Variants in GNAO1 observed in about 807,000 individuals in gnomAD.
GNAO1 encodes guanine nucleotide-binding protein G(o) subunit alpha.
For synonymous variants in GNAO1, 164 were observed against 180.7 expected (o/e 0.91, Z 0.74); for missense variants, 166 against 478.7 (o/e 0.35, Z 6.10).
intron 2 of GNAO1, among the ~76,000 whole-genome samples, chr16:56,250,012 AGAGAGAGAACAATGGTG>A (rs528701349): frequency 4.6e-5 from 7 of 152,340 alleles, no homozygotes; most frequent in Non-Finnish European, 1.0e-4. Flanking sequence ...CCAACAGGGA[AGAGAGAGAACAATGGTG>A]GATGGCTTGG....
chr16:56,299,161 AG>A (rs2037316993), intron 3 of GNAO1, among the ~76,000 whole-genome samples: 1 of 152,226 alleles, frequency 6.6e-6, no homozygotes, highest in African/African-American at 2.4e-5. Flanking sequence ...AACAAGACCC[AG>A]GCTTGCCTAA....
At chr16:56,336,955 A>C in intron 6 of GNAO1, 95 bp downstream of exon 6, 3 of 1,220,566 alleles carry the variant, frequency 2.5e-6, no homozygotes, top group South Asian at 1.4e-5. Context: ...GGTGCCCACA[A>C]TGGCTCTGGG....
rs756144448 is a variant in GNAO1, at chr16:56,340,973, T to A, written c.723+4113T>A. 4.3e-6 allele frequency: 7 copies of A among 1,613,724 alleles called. No homozygotes were observed. The South Asian group carries it at 6.6e-5, about 15-fold the overall frequency. Reference sequence around the variant, plus strand: ...AAGAAGTCCCCGCTCACCATCTGCTTTCCTGAATATACAGGTAGAGACCCC... The same window carrying A: ...AAGAAGTCCCCGCTCACCATCTGCTATCCTGAATATACAGGTAGAGACCCC... On this transcript the variant is annotated intron_variant, in intron 6 of 8. Transcript: ENST00000262493.
chr16:56,207,609 A>G (rs1413212735), intron 2 of GNAO1, among the ~76,000 whole-genome samples: 1 of 152,182 alleles, frequency 6.6e-6, no homozygotes, highest in Non-Finnish European at 1.5e-5. Flanking sequence ...ACAATTGTTG[A>G]TTATTCAGCA....
intron 3 of GNAO1, among the ~76,000 whole-genome samples, chr16:56,316,699 G>C (rs2037513693): frequency 6.6e-6 from 1 of 152,186 alleles, no homozygotes; most frequent in African/African-American, 2.4e-5. Context: ...CCACTCCCCA[G>C]CTGGTGCTGA....
intron 3 of GNAO1, among the ~76,000 whole-genome samples, chr16:56,317,514 C>T (rs2037524041): frequency 2.6e-5 from 4 of 151,886 alleles, no homozygotes; most frequent in Admixed American, 1.3e-4. Flanking sequence ...GGGTGGGAGG[C>T]GAGTTGGATC....
intron 3 of GNAO1, among the ~76,000 whole-genome samples, chr16:56,306,446 G>C (rs1479178066): frequency 6.6e-6 from 1 of 152,170 alleles, no homozygotes; most frequent in African/African-American, 2.4e-5. Context: ...CTTTGCTGGA[G>C]AGAGGCCCAG....
intron 2 of GNAO1, among the ~76,000 whole-genome samples, chr16:56,246,037 C>T (rs536547221): frequency 1.3e-5 from 2 of 152,282 alleles, no homozygotes; most frequent in South Asian, 4.1e-4. Context: ...TGCAGGGCCC[C>T]TGGGTGAATC....
chr16:56,195,072 T>A (rs2036219441), intron 2 of GNAO1, among the ~76,000 whole-genome samples: 2 of 106,186 alleles, frequency 1.9e-5, no homozygotes, highest in African/African-American at 9.0e-5. Context: ...CCTTTACTTC[T>A]CCTTTTTTTT....
intron 3 of GNAO1, among the ~76,000 whole-genome samples, chr16:56,312,484 G>T (rs558954463): frequency 6.6e-6 from 1 of 152,182 alleles, no homozygotes; most frequent in Admixed American, 6.5e-5. Context: ...ACACTGAGGC[G>T]GCCACAGCCT....
chr16:56,233,837 G>A (rs1465816093), intron 2 of GNAO1, among the ~76,000 whole-genome samples: 4 of 152,192 alleles, frequency 2.6e-5, no homozygotes, highest in African/African-American at 9.7e-5. Context: ...ATGCCCCCTT[G>A]TCTGTGGGTT....
chr16:56,351,283 C>T lies in GNAO1; in HGVS notation c.724-101C>T. On this transcript the variant is annotated intron_variant, in intron 6 of 8. Coordinates refer to ENST00000262493, the MANE Select transcript of GNAO1 (RefSeq NM_020988.3). The surrounding 1 kb of genome is among the most constrained non-coding windows in gnomAD (Gnocchi z 6.1). The stretch of plus-strand genomic sequence containing the variant: ...GCCTCTCGGAGGAGCTGCCGAGTAG[C>T]CCAGTCCCTCTCTGTCAAGCCTAAT... 1 of 791,558 alleles carries T rather than the reference C, an allele frequency of 1.3e-6. No homozygotes were observed. The highest frequency in any genetic ancestry group is 2.1e-6 in the Non-Finnish European group (1 of 480,612). The allele number at this position is 791,558 out of a possible 1,614,324, so 49.0% of individuals were successfully genotyped here.
chr16:56,283,676 AGTG>A (rs1468294664), intron 3 of GNAO1, among the ~76,000 whole-genome samples: 1 of 152,114 alleles, frequency 6.6e-6, no homozygotes, highest in Non-Finnish European at 1.5e-5. Flanking sequence ...GAGATACTTT[AGTG>A]GTAGTTGTTA....
chr16:56,205,252 A>G (rs2036316666), intron 2 of GNAO1, among the ~76,000 whole-genome samples: 1 of 152,216 alleles, frequency 6.6e-6, no homozygotes, highest in East Asian at 1.9e-4. Flanking sequence ...AGGTGGTTCC[A>G]CAGTACAAAG....
At chr16:56,205,890 G>A (rs1311281008) in intron 2 of GNAO1, among the ~76,000 whole-genome samples, 2 of 152,100 alleles carry the variant, frequency 1.3e-5, no homozygotes, top group Non-Finnish European at 2.9e-5. Flanking sequence ...AGGACATGAG[G>A]GGTAAAAAAG....
chr16:56,306,112 A>G (rs1015761011), intron 3 of GNAO1, among the ~76,000 whole-genome samples: 5 of 152,232 alleles, frequency 3.3e-5, no homozygotes, highest in African/African-American at 1.2e-4. Flanking sequence ...TGAGGAGCCC[A>G]GTTCCACTGC....
intron 2 of GNAO1, among the ~76,000 whole-genome samples, chr16:56,206,751 T>G (rs2036333876): frequency 6.6e-6 from 1 of 152,212 alleles, no homozygotes; most frequent in Non-Finnish European, 1.5e-5. Flanking sequence ...GCAGTAAGGC[T>G]TAACAGAATC....
chr16:56,306,487 C>T (rs2037397637), intron 3 of GNAO1, among the ~76,000 whole-genome samples: 1 of 152,200 alleles, frequency 6.6e-6, no homozygotes, highest in Admixed American at 6.5e-5. Context: ...GTGAGGTGGA[C>T]TTATGACCAG....
At chr16:56,254,609 T>A (rs990266333) in intron 2 of GNAO1, among the ~76,000 whole-genome samples, 10 of 152,188 alleles carry the variant, frequency 6.6e-5, no homozygotes, top group Admixed American at 1.3e-4. Flanking sequence ...GAGCTTGGTT[T>A]TTGTTTTAAT....
Sources: allele counts gnomAD v4.1 joint callset (sites outside exome capture counted in the v4.1 genomes callset), GRCh38; gene constraint gnomAD v4.1.1; non-coding constraint Gnocchi (gnomAD v3.1); transcripts MANE v1.5; gene names NCBI Gene and HGNC (gene_info 2026-07-23, HGNC 2026-07-21).